The following XPO1 variants were observed in gnomAD, a reference collection of about 807,000 sequenced individuals.
XPO1 encodes exportin 1.
XPO1 carries 5 observed loss-of-function variants against 133.3 expected under a neutral mutation model. The observed-to-expected ratio is 0.04, with a 90% CI of 0.02 to 0.08. The LOEUF (loss-of-function observed/expected upper bound fraction) is 0.08. Ranked by LOEUF, XPO1 falls within the 10% of genes least tolerant of loss-of-function variation. XPO1 has a pLI of 1.00. For missense variants in XPO1, 506 were observed against 1,267.5 expected, an observed-to-expected ratio of 0.40 and a Z score of 9.12; for synonymous variants, 419 against 408.2, an observed-to-expected ratio of 1.03 and a Z score of -0.32.
chr2:61,481,300 T>G lies in XPO1; in HGVS notation c.2973-19A>C, dbSNP rs569898752. 6.3e-7 allele frequency: 1 copy of G among 1,575,732 alleles called. No individual in the cohort carries two copies. The highest frequency in any genetic ancestry group is 1.1e-5 in the South Asian group (1 of 88,402). On this transcript the variant is annotated intron_variant, in intron 23 of 24. Transcript: ENST00000401558. Reference sequence around the variant, plus strand: ...TTGAGCACTGCAAATCAAAACACAATGATTAAATAATGATTTATTTTTCCC... The same window carrying G: ...TTGAGCACTGCAAATCAAAACACAAGGATTAAATAATGATTTATTTTTCCC...
chr2:61,522,319 AGT>A (rs1211713675), intron 4 of XPO1, among the ~76,000 whole-genome samples: 6 of 152,156 alleles, frequency 3.9e-5, no homozygotes, highest in African/African-American at 1.4e-4. Flanking sequence ...GGCCTCCTGA[AGT>A]GTTAGGATTA....
At chr2:61,530,602 G>C (rs1340432896) in intron 2 of XPO1, among the ~76,000 whole-genome samples, 1 of 151,934 alleles carries the variant, frequency 6.6e-6, no homozygotes, top group Non-Finnish European at 1.5e-5. Context: ...AGAGGGTAGA[G>C]GGTAGTCCTA....
intron 17 of XPO1, among the ~76,000 whole-genome samples, chr2:61,488,974 C>T (rs969676842): frequency 8.6e-5 from 13 of 152,036 alleles, no homozygotes; most frequent in Non-Finnish European, 1.5e-4. Context: ...TGGTGGCAGC[C>T]GCCTGTAGTC....
intron 4 of XPO1, among the ~76,000 whole-genome samples, chr2:61,509,246 C>T (rs1697972771): frequency 1.3e-5 from 2 of 151,924 alleles, no homozygotes; most frequent in Non-Finnish European, 2.9e-5. Context: ...CTCAGGCAAC[C>T]CACCTGCCTC....
chr2:61,512,189 T>C (rs1698130371), intron 4 of XPO1, among the ~76,000 whole-genome samples: 1 of 152,236 alleles, frequency 6.6e-6, no homozygotes, highest in African/African-American at 2.4e-5. Flanking sequence ...AACATTGTAT[T>C]CTGTGGGATT....
At chr2:61,481,505 T>C (rs1020336367) in intron 23 of XPO1, among the ~76,000 whole-genome samples, 5 of 152,124 alleles carry the variant, frequency 3.3e-5, no homozygotes, top group African/African-American at 1.2e-4. Context: ...GTTTACCAGG[T>C]TGGAGTACAA....
intron 4 of XPO1, among the ~76,000 whole-genome samples, chr2:61,503,756 A>G (rs1697662316): frequency 6.6e-6 from 1 of 152,186 alleles, no homozygotes; most frequent in African/African-American, 2.4e-5. Flanking sequence ...TTATAGAGAC[A>G]TGTTTTCACC....
At chr2:61,499,031 C>A in intron 7 of XPO1, 118 bp from the exon 8 acceptor site, 1 of 1,212,526 alleles carries the variant, frequency 8.2e-7, no homozygotes, top group Non-Finnish European at 1.1e-6. Flanking sequence ...CCTGTAATCG[C>A]AGAACTTTGG....
In XPO1 at chr2:61,478,748, T is replaced by A; in HGVS notation, c.*72A>T. 6.6e-7 allele frequency: 1 copy of A among 1,505,264 alleles called. No individual in the cohort carries two copies. The highest frequency in any genetic ancestry group is 8.9e-7 in the Non-Finnish European group (1 of 1,119,326). The allele number at this position is 1,505,264 out of a possible 1,614,324, so 93.2% of individuals were successfully genotyped here. On this transcript the variant is annotated 3_prime_UTR_variant, in exon 25 of 25. Coordinates refer to ENST00000401558, the MANE Select transcript of XPO1 (RefSeq NM_003400.4). ...AATTTACAAATTGGCATCATTTTGG[T>A]CGACAAATACCCACATGCTGTTTTC... is the stretch of plus-strand genomic sequence containing the variant.
At chr2:61,501,669 G>T (rs1390691980) in intron 6 of XPO1, among the ~76,000 whole-genome samples, 1 of 147,686 alleles carries the variant, frequency 6.8e-6, no homozygotes, top group East Asian at 2.0e-4. Context: ...GCTGCAGTGA[G>T]CCGAGATCAT....
intron 3 of XPO1, chr2:61,526,188 T>C: frequency 7.6e-7 from 1 of 1,318,972 alleles, no homozygotes; most frequent in Non-Finnish European, 9.6e-7. Context: ...AAAAACAAAA[T>C]CAGACAACCA....
intron 2 of XPO1, among the ~76,000 whole-genome samples, chr2:61,526,813 T>C (rs1698924399): frequency 6.6e-6 from 1 of 151,966 alleles, no homozygotes; most frequent in Admixed American, 6.6e-5. Flanking sequence ...GTTCAAGCGA[T>C]TCTCCCGCCT....
At chr2:61,497,481 G>A (rs899009561) in intron 9 of XPO1, among the ~76,000 whole-genome samples, 4 of 152,192 alleles carry the variant, frequency 2.6e-5, no homozygotes, top group Non-Finnish European at 4.4e-5. Flanking sequence ...AAAGTGCTGG[G>A]ATTACAGGCG....
At chr2:61,526,615 A>C in intron 2 of XPO1, 94 bp from the exon 3 acceptor site, 1 of 873,736 alleles carries the variant, frequency 1.1e-6, no homozygotes, top group Non-Finnish European at 1.6e-6. Flanking sequence ...ACAAATTCTA[A>C]TTGGACAGAG....
At chr2:61,487,257 C>A (rs1202268430) in intron 19 of XPO1, among the ~76,000 whole-genome samples, 1 of 152,090 alleles carries the variant, frequency 6.6e-6, no homozygotes, top group East Asian at 1.9e-4. Flanking sequence ...AAAGATGATA[C>A]CCTTTGTATT....
chr2:61,483,802 G>A (rs975874511), intron 21 of XPO1, 135 bp downstream of exon 21: 3 of 1,010,556 alleles, frequency 3.0e-6, no homozygotes, highest in African/African-American at 3.3e-5. Context: ...ACTGCTTATA[G>A]GATTTTCTCA....
intron 3 of XPO1, among the ~76,000 whole-genome samples, chr2:61,524,339 ACTGTC>A (rs1273563273): frequency 6.6e-6 from 1 of 152,212 alleles, no homozygotes; most frequent in Admixed American, 6.5e-5. Context: ...ATGGAAAGAC[ACTGTC>A]CTTTCTTTTT....
At chr2:61,516,131 T>TAA (rs111496457) in intron 4 of XPO1, among the ~76,000 whole-genome samples, 16 of 108,038 alleles carry the variant, frequency 1.5e-4, no homozygotes, top group African/African-American at 4.6e-4. Flanking sequence ...GTCGCAAAAT[T>TAA]AAAAAAAAAC....
In XPO1 at chr2:61,478,571, G is replaced by A. The variant is rs923596692; in HGVS notation, c.*249C>T. On this transcript the variant is annotated 3_prime_UTR_variant, in exon 25 of 25. Transcript: ENST00000401558. Reference sequence around the variant, plus strand: ...CCAGCCCAGCCACAAAAATGGGCATGAAGTAAAATTTTTAAAAATGCCTTA... The same window carrying A: ...CCAGCCCAGCCACAAAAATGGGCATAAAGTAAAATTTTTAAAAATGCCTTA... The A allele has an allele frequency of 1.5e-5, 6 of 412,978 alleles. No homozygotes were observed. The highest frequency in any genetic ancestry group is 8.2e-5 in the African/African-American group (4 of 48,694). 25.6% of individuals were successfully genotyped at this position (412,978 alleles called of 1,614,324 possible).
Sources: allele counts gnomAD v4.1 joint callset (sites outside exome capture counted in the v4.1 genomes callset), GRCh38; gene constraint gnomAD v4.1.1; transcripts MANE v1.5; gene names NCBI Gene and HGNC (gene_info 2026-07-23, HGNC 2026-07-21).